APP: variants seen among roughly 807,000 people sequenced by gnomAD.
The protein encoded by APP is amyloid beta precursor protein.
In APP, 31 loss-of-function variants were observed where a neutral mutation model predicts 101.4. The observed-to-expected ratio is 0.31, with a 90% CI of 0.23 to 0.41. APP has a LOEUF of 0.41. APP is among the 10% of genes least tolerant of loss of function. APP has a pLI of 1.00. For missense variants in APP, 839 were observed against 1,003.7 expected (o/e 0.84, Z 2.22); for synonymous variants, 366 against 364.4 (o/e 1.00, Z -0.05).
At chr21:25,905,230 C>G (rs1159456126) in intron 14 of APP, among the ~76,000 whole-genome samples, 153 bp from the exon 15 acceptor site, 3 of 152,154 alleles carry the variant, frequency 2.0e-5, no homozygotes, top group African/African-American at 7.2e-5. Flanking sequence ...GTGAGTTAAT[C>G]CCGAGCATCG....
intron 1 of APP, among the ~76,000 whole-genome samples, chr21:26,164,712 T>C (rs545162377): frequency 6.6e-6 from 1 of 152,012 alleles, no homozygotes; most frequent in Admixed American, 6.5e-5. Context: ...AAAAATTAGC[T>C]GGGCATGGTG....
In APP at chr21:25,955,673, T is replaced by A; in HGVS notation, c.1541A>T (p.His514Leu). Residue 514 changes from histidine to leucine, a missense_variant, in exon 12 of 18, where the codon CAT becomes CTT. Transcript: ENST00000346798. ...TTTCTTGGGATCCACCATGCGCACA[T>A]GCTCGAAATGCTTTAGGGTGTGCTG... is the stretch of plus-strand genomic sequence containing the variant. Reference protein sequence around the residue: ...DRQHTLKHFEHVRMVDPKKAA... With the variant: ...DRQHTLKHFELVRMVDPKKAA... 1 of 1,614,202 alleles carries A rather than the reference T, an allele frequency of 6.2e-7. No homozygotes were observed. Among genetic ancestry groups the A allele is most frequent in the Middle Eastern group, 1.6e-4 (1 of 6,062 alleles).
At chr21:25,931,406 C>T (rs1470339828) in intron 13 of APP, among the ~76,000 whole-genome samples, 2 of 152,130 alleles carry the variant, frequency 1.3e-5, no homozygotes, top group Admixed American at 6.5e-5. Flanking sequence ...TTGTGGGATA[C>T]AGAGGGCAGA....
intron 13 of APP, among the ~76,000 whole-genome samples, chr21:25,929,720 G>A (rs1424476985): frequency 2.6e-5 from 4 of 152,106 alleles, no homozygotes; most frequent in Non-Finnish European, 5.9e-5. Context: ...CTTTCAGTGA[G>A]GACCAGAAAG....
At chr21:26,113,632 A>T (rs2062374992) in intron 1 of APP, among the ~76,000 whole-genome samples, 1 of 152,180 alleles carries the variant, frequency 6.6e-6, no homozygotes, top group Admixed American at 6.5e-5. Context: ...AAATATCCAG[A>T]TCATCTGCAG....
intron 13 of APP, among the ~76,000 whole-genome samples, chr21:25,918,553 G>C (rs943621590): frequency 1.3e-5 from 2 of 152,066 alleles, no homozygotes; most frequent in African/African-American, 2.4e-5. Flanking sequence ...GCAGGGCGAG[G>C]CATTGCCTCA....
intron 1 of APP, chr21:26,140,095 G>A (rs972281773): frequency 2.4e-6 from 3 of 1,254,556 alleles, no homozygotes; most frequent in South Asian, 2.6e-5. Context: ...TGAGAACAGA[G>A]TTTCATCTTA....
intron 16 of APP, among the ~76,000 whole-genome samples, chr21:25,892,798 A>G (rs1311178827): frequency 6.6e-6 from 1 of 152,210 alleles, no homozygotes; most frequent in Non-Finnish European, 1.5e-5. Flanking sequence ...ATAGAAGCAC[A>G]CCACAACTTT....
Position 25,881,748 on chromosome 21 carries a change from C to T in APP, c.2235G>A (p.Glu745=). ...GCTGCATCTTGGACAGGTGGCGCTC[C>T]TCTGGGGTGACAGCGGCGTCAACCT... ...VVEVDAAVTP[E]ERHLSKMQQN... The change falls in exon 18 of 18, where the codon GAG becomes GAA. Residue 745 remains glutamate (E), a synonymous_variant. Transcript: ENST00000346798. 1 of 1,613,832 alleles carries T rather than the reference C, an allele frequency of 6.2e-7. No individual in the cohort carries two copies. The highest frequency in any genetic ancestry group is 1.1e-5 in the South Asian group (1 of 91,054).
At chr21:25,993,617 T>C (rs1022305534) in intron 8 of APP, among the ~76,000 whole-genome samples, 4 of 152,334 alleles carry the variant, frequency 2.6e-5, no homozygotes, top group African/African-American at 9.6e-5. Context: ...ATTTCAAACA[T>C]CTGTCGAGAA....
chr21:25,954,526 C>T (rs2041226583), intron 13 of APP, 64 bp downstream of exon 13: 4 of 1,388,806 alleles, frequency 2.9e-6, no homozygotes, highest in Non-Finnish European at 4.1e-6. Context: ...TAACTCACTT[C>T]CTCAATTTTC....
chr21:25,997,560 T>C, intron 7 of APP, 144 bp from the exon 8 acceptor site: 2 of 713,500 alleles, frequency 2.8e-6, no homozygotes, highest in South Asian at 1.6e-5. Flanking sequence ...AAAACCAAAA[T>C]GAACATATAA....
At chr21:26,159,066 G>A (rs1420762706) in intron 1 of APP, among the ~76,000 whole-genome samples, 2 of 151,972 alleles carry the variant, frequency 1.3e-5, no homozygotes, top group African/African-American at 4.8e-5. Context: ...TTCAAAATGA[G>A]AGAAACAATA....
intron 8 of APP, among the ~76,000 whole-genome samples, chr21:25,993,610 T>C (rs1458638337): frequency 6.6e-6 from 1 of 152,234 alleles, no homozygotes; most frequent in Non-Finnish European, 1.5e-5. Flanking sequence ...AAATTCAATT[T>C]CAAACATCTG....
At chr21:25,977,179 A>C (rs1477178588) in intron 9 of APP, among the ~76,000 whole-genome samples, 2 of 152,184 alleles carry the variant, frequency 1.3e-5, no homozygotes, top group Non-Finnish European at 2.9e-5. Flanking sequence ...AGAGAAGTTC[A>C]CTCATTAACC....
intron 7 of APP, among the ~76,000 whole-genome samples, chr21:25,998,791 CAAATAAATAAAT>C (rs3084256): frequency 1.3e-5 from 2 of 151,630 alleles, no homozygotes; most frequent in African/African-American, 2.4e-5. Flanking sequence ...ACAACAACAA[CAAATAAATAAAT>C]AAATAAATAA....
intron 6 of APP, among the ~76,000 whole-genome samples, chr21:26,019,759 T>C (rs915440338): frequency 1.3e-5 from 2 of 152,240 alleles, no homozygotes; most frequent in Non-Finnish European, 2.9e-5. Flanking sequence ...TGCTGTAATT[T>C]GTATTCACAC....
At position 26,000,020 on chromosome 21, in the gene APP, C is replaced by T. The variant is rs2043221888; in HGVS notation, c.1028G>A (p.Ser343Asn). 6 of 1,614,054 alleles carry T rather than the reference C, an allele frequency of 3.7e-6. No homozygotes were observed. Among genetic ancestry groups the T allele is most frequent in the Non-Finnish European group, 5.1e-6 (6 of 1,179,982 alleles). ...TCGAAGAAGGGTCCACTTACTGGCG[C>T]TGCCACACACGGCCATGCAGTACTC... ...TEEYCMAVCG[S>N]AMSQSLLKTT... Residue 343 changes from serine to asparagine, a missense_variant, in exon 7 of 18, where the codon AGC (serine) becomes AAC (asparagine). Coordinates refer to ENST00000346798, the MANE Select transcript of APP (RefSeq NM_000484.4).
At chr21:25,958,984 CA>C (rs10718697) in intron 11 of APP, among the ~76,000 whole-genome samples, 152,310 of 152,310 alleles carry the variant, frequency 1, 76,155 homozygotes, top group Non-Finnish European at 1. Context: ...ATCCCTGGCC[CA>C]ATGGTTACAC....
Sources: allele counts gnomAD v4.1 joint callset (sites outside exome capture counted in the v4.1 genomes callset), GRCh38; gene constraint gnomAD v4.1.1; transcripts MANE v1.5; gene names NCBI Gene and HGNC (gene_info 2026-07-23, HGNC 2026-07-21).